Variants in ARFGEF2 observed in about 807,000 individuals in gnomAD.
The protein encoded by ARFGEF2 is brefeldin A-inhibited guanine nucleotide-exchange protein 2.
In ARFGEF2, 74 loss-of-function variants were observed where a neutral mutation model predicts 219.9. The observed-to-expected ratio is 0.34, with a 90% CI of 0.28 to 0.41. The LOEUF (loss-of-function observed/expected upper bound fraction) is 0.41, where lower values mean the gene tolerates loss of function less well. Among genes scored for constraint, ARFGEF2 ranks in the 10% least tolerant of loss-of-function variants. ARFGEF2 has a pLI of 1.00. For missense variants in ARFGEF2, 1,743 were observed against 2,218.3 expected (o/e 0.79, Z 4.30); for synonymous variants, 733 against 799.2 (o/e 0.92, Z 1.40).
chr20:49,021,604 T>C (rs2123551710), intron 34 of ARFGEF2, among the ~76,000 whole-genome samples: 1 of 151,896 alleles, frequency 6.6e-6, no homozygotes, highest in African/African-American at 2.4e-5. Context: ...TCCTAACACT[T>C]TGGGAGGCTG....
chr20:49,001,750 A>G (rs1197667615), intron 25 of ARFGEF2, among the ~76,000 whole-genome samples: 1 of 152,160 alleles, frequency 6.6e-6, no homozygotes, highest in Non-Finnish European at 1.5e-5. Context: ...TTTGTTGTAT[A>G]TCTTTCCAGA....
chr20:48,940,938 A>T (rs973833163), intron 1 of ARFGEF2, among the ~76,000 whole-genome samples: 1 of 152,222 alleles, frequency 6.6e-6, no homozygotes, highest in Non-Finnish European at 1.5e-5. Flanking sequence ...AGATGGATAT[A>T]ATAAGAGTAT....
intron 12 of ARFGEF2, among the ~76,000 whole-genome samples, chr20:48,973,933 G>A (rs2091244368): frequency 6.6e-6 from 1 of 151,974 alleles, no homozygotes; most frequent in South Asian, 2.1e-4. Flanking sequence ...TGTTATTTAA[G>A]AATGCTGTTT....
At chr20:49,002,954 A>AT (rs2091434226) in intron 25 of ARFGEF2, among the ~76,000 whole-genome samples, 2 of 104,120 alleles carry the variant, frequency 1.9e-5, no homozygotes, top group South Asian at 5.8e-4. Context: ...CCCAATTTTT[A>AT]TTTTTTTAAC....
intron 35 of ARFGEF2, among the ~76,000 whole-genome samples, chr20:49,023,524 T>G (rs1405146746): frequency 1.9e-5 from 2 of 107,714 alleles, no homozygotes; most frequent in South Asian, 3.4e-4. Context: ...TTTTTTCTGG[T>G]TTTTTTTTTT....
At chr20:49,007,068 T>A (rs2091465547) in intron 26 of ARFGEF2, among the ~76,000 whole-genome samples, 1 of 151,904 alleles carries the variant, frequency 6.6e-6, no homozygotes. Context: ...TGAGGACCAT[T>A]AGGATGAGGT....
intron 1 of ARFGEF2, among the ~76,000 whole-genome samples, chr20:48,928,848 C>T (rs1215129972): frequency 5.3e-5 from 8 of 152,176 alleles, no homozygotes; most frequent in Non-Finnish European, 1.5e-5. Context: ...CTCTACCTCC[C>T]CTATTAGTTG....
At chr20:49,031,850 C>CA (rs1180813300) in intron 37 of ARFGEF2, among the ~76,000 whole-genome samples, 199 bp from the exon 38 acceptor site, 25 of 151,434 alleles carry the variant, frequency 1.7e-4, no homozygotes, top group African/African-American at 6.1e-4. Flanking sequence ...CCGAGGAGGT[C>CA]AAGGCTACAG....
intron 1 of ARFGEF2, among the ~76,000 whole-genome samples, chr20:48,937,437 G>A (rs562967840): frequency 1.2e-4 from 18 of 152,258 alleles, no homozygotes; most frequent in African/African-American, 3.4e-4. Flanking sequence ...TGGACTCCAA[G>A]TCTTTTTACC....
At position 49,010,265 on chromosome 20, in the gene ARFGEF2, C is replaced by T; in HGVS notation, c.3618C>T (p.Cys1206=). Residue 1206 remains cysteine, a synonymous_variant, in exon 27 of 39, where the codon TGC becomes TGT. Transcript: ENST00000371917. ...SPTIRDMAIR[C]IAQMVNSQAA... is the part of the protein sequence containing the mutation. ...CCATCCGGGACATGGCGATCCGCTG[C>T]ATTGCCCAGATGGTGAACTCCCAGG... The T allele has an allele frequency of 6.2e-7, 1 of 1,614,230 alleles. No individual in the cohort carries two copies. Among genetic ancestry groups the T allele is most frequent in the Non-Finnish European group, 8.5e-7 (1 of 1,180,044 alleles).
chr20:48,963,644 GCTGC>G (rs1339988674), intron 6 of ARFGEF2, among the ~76,000 whole-genome samples, 182 bp from the exon 7 acceptor site: 1 of 152,232 alleles, frequency 6.6e-6, no homozygotes, highest in Non-Finnish European at 1.5e-5. Context: ...CAGAACAGAT[GCTGC>G]CTAAGTTTCC....
chr20:48,962,446 C>G (rs1173842801), intron 6 of ARFGEF2, among the ~76,000 whole-genome samples: 4 of 152,002 alleles, frequency 2.6e-5, no homozygotes, highest in Admixed American at 2.6e-4. Context: ...CCTCATTGAC[C>G]AAACGTTGTT....
At chr20:48,930,488 C>T (rs965024948) in intron 1 of ARFGEF2, among the ~76,000 whole-genome samples, 6 of 152,142 alleles carry the variant, frequency 3.9e-5, no homozygotes, top group Non-Finnish European at 8.8e-5. Flanking sequence ...GCCAACAAAA[C>T]CTTGTGATGG....
At position 48,989,687 on chromosome 20, in the gene ARFGEF2, A is replaced by G. The variant is rs758274521; in HGVS notation, c.2814+3A>G. The G allele has an allele frequency of 6.2e-7, 1 of 1,614,186 alleles. No individual in the cohort carries two copies. Among genetic ancestry groups the G allele is most frequent in the South Asian group, 1.1e-5 (1 of 91,086 alleles). The stretch of plus-strand genomic sequence containing the variant: ...TCGCCTGCATCTTTGGAATGCAGGT[A>G]GGTGTAAGTCAGCAACACTCCAGAG... On this transcript the variant is annotated splice_donor_region_variant and intron_variant, in intron 20 of 38. Coordinates refer to ENST00000371917, the MANE Select transcript of ARFGEF2 (RefSeq NM_006420.3).
In ARFGEF2 at chr20:48,965,885, G is replaced by A. The variant is rs775660335; in HGVS notation, c.921G>A (p.Lys307=). ...VTSAIKEAAE[K]HGLTEPERVL... ...TTGTGTTTTAAGAAGCAGCGGAAAA[G>A]CATGGTCTGACAGAACCTGAGAGAG... The change falls in exon 8 of 39, where the codon AAG becomes AAA. Residue 307 remains lysine (K), a synonymous_variant. Transcript: ENST00000371917. 2 of 1,614,220 alleles carry A rather than the reference G, an allele frequency of 1.2e-6. No homozygotes were observed. Among genetic ancestry groups the A allele is most frequent in the Non-Finnish European group, 1.7e-6 (2 of 1,180,038 alleles).
At chr20:49,031,248 T>C (rs113674248) in intron 37 of ARFGEF2, among the ~76,000 whole-genome samples, 1,544 of 100,002 alleles carry the variant, frequency 0.015, 48 homozygotes, top group South Asian at 0.079. Flanking sequence ...TTTTTTTTTT[T>C]TGAGATAGTC....
At chr20:48,926,960 C>G (rs528107664) in intron 1 of ARFGEF2, among the ~76,000 whole-genome samples, 1 of 152,200 alleles carries the variant, frequency 6.6e-6, no homozygotes, top group Admixed American at 6.5e-5. Context: ...GTGGATGGGT[C>G]ATTGGTGACC....
chr20:48,922,848 G>A (rs149410797), intron 1 of ARFGEF2, among the ~76,000 whole-genome samples: 182 of 152,342 alleles, frequency 1.2e-3, no homozygotes, highest in African/African-American at 4.2e-3. Flanking sequence ...TGAGAATTCA[G>A]TGGGGAACAA....
At chr20:49,014,661 C>G (rs2091519762) in intron 30 of ARFGEF2, among the ~76,000 whole-genome samples, 1 of 152,142 alleles carries the variant, frequency 6.6e-6, no homozygotes, top group African/African-American at 2.4e-5. Flanking sequence ...CACAATGGCT[C>G]ATGCCTATAA....
Sources: allele counts gnomAD v4.1 joint callset (sites outside exome capture counted in the v4.1 genomes callset), GRCh38; gene constraint gnomAD v4.1.1; transcripts MANE v1.5; gene names NCBI Gene and HGNC (gene_info 2026-07-23, HGNC 2026-07-21).